The following CNBD1 variants were observed in gnomAD, a reference collection of about 807,000 sequenced individuals.
CNBD1 encodes cyclic nucleotide binding domain containing 1.
A neutral mutation model predicts 54.4 loss-of-function variants in CNBD1; 71 were observed. The ratio of observed to expected loss-of-function variants is 1.30; its 90% CI spans 1.08 to 1.59. The LOEUF is 1.59. CNBD1 is among the 40% of genes most tolerant of loss of function. CNBD1 has a pLI of 0.00. For synonymous variants in CNBD1, 182 were observed against 170.7 expected (o/e 1.07, Z -0.51); for missense variants, 659 against 518.0 (o/e 1.27, Z -2.64).
chr8:87,328,085 G>T (rs1809724050), intron 8 of CNBD1, among the ~76,000 whole-genome samples: 1 of 151,922 alleles, frequency 6.6e-6, no homozygotes, highest in Non-Finnish European at 1.5e-5. Flanking sequence ...CGTCATCTAG[G>T]TTTTAAGACC....
intron 4 of CNBD1, among the ~76,000 whole-genome samples, chr8:87,127,898 T>A (rs751367695): frequency 6.6e-6 from 1 of 152,104 alleles, no homozygotes; most frequent in Non-Finnish European, 1.5e-5. Flanking sequence ...TCTTTTCATG[T>A]CCCAAAGTTG....
chr8:87,306,574 A>G (rs562905513), intron 8 of CNBD1, among the ~76,000 whole-genome samples: 2 of 152,326 alleles, frequency 1.3e-5, no homozygotes, highest in South Asian at 2.1e-4. Context: ...ATGGAATACT[A>G]CACAGCCATT....
At chr8:87,424,808 C>T (rs896594077) in intron 2 of CNBD1, among the ~76,000 whole-genome samples, 8 of 152,122 alleles carry the variant, frequency 5.3e-5, no homozygotes, top group African/African-American at 1.9e-4. Context: ...CTTGGAGTTG[C>T]TCTTCTCCAG....
chr8:86,924,478 T>G (rs1359252632), intron 3 of CNBD1, among the ~76,000 whole-genome samples: 1 of 152,150 alleles, frequency 6.6e-6, no homozygotes, highest in East Asian at 1.9e-4. Context: ...ATAATGTAGA[T>G]TTGTAATTAT....
intron 4 of CNBD1, among the ~76,000 whole-genome samples, chr8:87,137,597 A>G (rs62527288): frequency 0.49 from 74,216 of 151,970 alleles, 18,342 homozygotes; most frequent in African/African-American, 0.55. Flanking sequence ...GCACCTGGCC[A>G]AAACCAAGGA....
intron 2 of CNBD1, among the ~76,000 whole-genome samples, chr8:87,415,959 TA>T (rs1399735574): frequency 1.3e-5 from 2 of 151,758 alleles, no homozygotes; most frequent in East Asian, 1.9e-4. Context: ...ATAAAGTTTT[TA>T]AAAAAATCAT....
chr8:87,337,106 A>C (rs1809958737), intron 8 of CNBD1, among the ~76,000 whole-genome samples: 1 of 152,146 alleles, frequency 6.6e-6, no homozygotes, highest in Non-Finnish European at 1.5e-5. Flanking sequence ...TGAGGGGCAC[A>C]GACCTGATAC....
intron 10 of CNBD1, among the ~76,000 whole-genome samples, chr8:87,377,667 C>T (rs888342750): frequency 2.0e-5 from 3 of 147,820 alleles, no homozygotes; most frequent in African/African-American, 7.6e-5. Context: ...GGTATATACC[C>T]AGTAATGGGA....
intron 5 of CNBD1, among the ~76,000 whole-genome samples, chr8:87,213,722 T>C (rs1814150544): frequency 6.6e-6 from 1 of 152,074 alleles, no homozygotes; most frequent in African/African-American, 2.4e-5. Context: ...AAATCTCATG[T>C]CCTCACTTTT....
intron 2 of CNBD1, among the ~76,000 whole-genome samples, chr8:86,898,143 G>A (rs1808876102): frequency 6.6e-6 from 1 of 152,042 alleles, no homozygotes; most frequent in African/African-American, 2.4e-5. Flanking sequence ...TATATCTTTT[G>A]TATACAAAGA....
chr8:86,949,742 C>T (rs532473335), intron 4 of CNBD1, among the ~76,000 whole-genome samples: 12 of 151,836 alleles, frequency 7.9e-5, no homozygotes, highest in Non-Finnish European at 1.8e-4. Context: ...CTTGCTAGGA[C>T]TTCCAGTACT....
chr8:87,394,329 A>G (rs77067515), intron 2 of CNBD1, among the ~76,000 whole-genome samples: 2,872 of 152,058 alleles, frequency 0.019, 92 homozygotes, highest in African/African-American at 0.062. Flanking sequence ...AATAAAAAGA[A>G]GCAGAATAGT....
At chr8:87,132,904 G>A (rs567116857) in intron 4 of CNBD1, among the ~76,000 whole-genome samples, 2 of 150,396 alleles carry the variant, frequency 1.3e-5, no homozygotes, top group South Asian at 2.1e-4. Context: ...TTTTGATAAA[G>A]TCCTACAAGT....
chr8:86,923,795 C>A (rs958045912), intron 3 of CNBD1, among the ~76,000 whole-genome samples: 3 of 152,022 alleles, frequency 2.0e-5, no homozygotes, highest in Non-Finnish European at 2.9e-5. Flanking sequence ...GTAAACAAGC[C>A]ATAGAATAAA....
intron 4 of CNBD1, among the ~76,000 whole-genome samples, chr8:87,141,661 G>T (rs1434826324): frequency 1.3e-5 from 2 of 151,888 alleles, no homozygotes; most frequent in Non-Finnish European, 2.9e-5. Flanking sequence ...AAAGGGTGAA[G>T]ATATAAAAGA....
chr8:86,915,500 C>G (rs1331175613), intron 3 of CNBD1, among the ~76,000 whole-genome samples: 1 of 152,168 alleles, frequency 6.6e-6, no homozygotes. Context: ...ATCATTTAAA[C>G]TATAAACTAA....
intron 8 of CNBD1, among the ~76,000 whole-genome samples, chr8:87,328,538 A>G (rs139250793): frequency 1.7e-3 from 266 of 152,090 alleles, no homozygotes; most frequent in Non-Finnish European, 2.8e-3. Flanking sequence ...TTTGAATCAG[A>G]AACTATGAGG....
At chr8:86,937,208 A>T (rs1809564543) in intron 3 of CNBD1, among the ~76,000 whole-genome samples, 1 of 152,158 alleles carries the variant, frequency 6.6e-6, no homozygotes, top group Admixed American at 6.5e-5. Context: ...ACTGTCCTTT[A>T]TAAAACCATC....
chr8:86,945,459 T>C (rs955549901), intron 4 of CNBD1, among the ~76,000 whole-genome samples: 2 of 152,188 alleles, frequency 1.3e-5, no homozygotes, highest in African/African-American at 4.8e-5. Context: ...AAATGCAATA[T>C]GGTTCTTATG....
Sources: gnomAD v4.1 joint callset for allele counts (sites outside exome capture counted in the v4.1 genomes callset) on GRCh38, gnomAD v4.1.1 for gene constraint, MANE v1.5 for transcripts, NCBI Gene and HGNC (gene_info 2026-07-23, HGNC 2026-07-21) for gene names.